The following PPP1R21 variants were observed in gnomAD, a reference collection of about 807,000 sequenced individuals.
PPP1R21 encodes KLRAQ motif containing 1.
Under a neutral mutation model 112.8 loss-of-function variants are expected in PPP1R21, and 85 were observed. That is an observed-to-expected ratio of 0.75 (90% CI 0.63 to 0.90). The LOEUF (loss-of-function observed/expected upper bound fraction) is 0.90, where lower values mean the gene tolerates loss of function less well. Ranked by LOEUF, PPP1R21 falls within the 40% of genes least tolerant of loss-of-function variation. The pLI is 0.00. For synonymous variants in PPP1R21, 381 were observed against 322.3 expected, an observed-to-expected ratio of 1.18 and a Z score of -1.95; for missense variants, 1,199 against 901.5, an observed-to-expected ratio of 1.33 and a Z score of -4.23.
rs375416872 is a variant in PPP1R21 at position 48,498,699 on chromosome 2, T to G, written c.1899T>G (p.Ala633=). ...CTGCTGGCCAGGATGAAGCCACAGC[T>G]AAGGCTGTGTTGGAGCCCATTCAGA... ...SNTAGQDEAT[A]KAVLEPIQST... The change falls in exon 17 of 22, where the codon GCT becomes GCG. Residue 633 remains alanine, a synonymous_variant. Coordinates refer to ENST00000294952, the MANE Select transcript of PPP1R21 (RefSeq NM_001135629.3). 1 of 1,614,116 alleles carries G rather than the reference T, an allele frequency of 6.2e-7. No homozygotes were observed.
At chr2:48,489,774 G>A (rs1464654835) in intron 14 of PPP1R21, among the ~76,000 whole-genome samples, 4 of 151,996 alleles carry the variant, frequency 2.6e-5, no homozygotes, top group African/African-American at 9.7e-5. Context: ...GGCTGGGTGT[G>A]GTGGCTCACG....
rs1265463440 is a variant in PPP1R21 at position 48,485,306 on chromosome 2, G to T, written c.1319-1325G>T. Among the ~76,000 whole-genome samples the T allele has an allele frequency of 4.3e-5, 6 of 138,722 alleles. No homozygotes were observed. In the South Asian group the frequency reaches 1.1e-3, roughly 26 times the overall value. The allele number at this position is 138,722 out of a possible 152,430, so 91.0% of individuals were successfully genotyped here. On this transcript the variant is annotated intron_variant, in intron 13 of 21. Transcript: ENST00000294952. ...AAACTCCCTGCCTCTAAAATAAAATGTAAAAAAAAAAACAAAAAGCATTCA... is the reference window on the plus strand; with the variant it reads ...AAACTCCCTGCCTCTAAAATAAAATTTAAAAAAAAAAACAAAAAGCATTCA...
At position 48,449,620 on chromosome 2, in the gene PPP1R21, G is replaced by C. The variant is rs554114905; in HGVS notation, c.58-1388G>C. On this transcript the variant is annotated intron_variant, in intron 1 of 21. Transcript: ENST00000294952. ...TAAATTTTCCATTGAGTTTTAAATAGTTTAAGATTTAGCATTCAAATATGC... is the reference window on the plus strand; with the variant it reads ...TAAATTTTCCATTGAGTTTTAAATACTTTAAGATTTAGCATTCAAATATGC... Among the ~76,000 whole-genome samples, 268 of 152,252 alleles carry C rather than the reference G, an allele frequency of 1.8e-3. 2 individuals carry two copies. Among genetic ancestry groups the C allele is most frequent in the Middle Eastern group, 3.4e-3 (1 of 294 alleles).
Position 48,469,308 on chromosome 2 carries a change from T to C in PPP1R21, c.898-1779T>C, listed in dbSNP as rs561257144. On this transcript the variant is annotated intron_variant, in intron 9 of 21. Coordinates refer to ENST00000294952, the MANE Select transcript of PPP1R21 (RefSeq NM_001135629.3). The stretch of plus-strand genomic sequence containing the variant: ...GTGTGTGTGTGTGTATGTATATATA[T>C]ACACACACACACATATATATATAGA... Among the ~76,000 whole-genome samples the C allele has an allele frequency of 3.9e-4, 49 of 125,288 alleles. 3 individuals carry two copies. Among genetic ancestry groups the C allele is most frequent in the Non-Finnish European group, 5.6e-4 (35 of 62,010 alleles). The allele number at this position is 125,288 out of a possible 152,430, so 82.2% of individuals were successfully genotyped here. A position where few individuals can be genotyped will look rare whatever the true frequency, so the allele number is the denominator to read the frequency against.
chr2:48,500,310 T>C (rs1572891324), intron 17 of PPP1R21, among the ~76,000 whole-genome samples: 2 of 152,098 alleles, frequency 1.3e-5, no homozygotes, highest in Non-Finnish European at 2.9e-5. Flanking sequence ...TACAAAAAAA[T>C]ATATCTGCAC....
At chr2:48,512,960 T>G (rs532354742) in intron 21 of PPP1R21, among the ~76,000 whole-genome samples, 3 of 152,174 alleles carry the variant, frequency 2.0e-5, no homozygotes, top group Non-Finnish European at 2.9e-5. Context: ...ATTGAAGAGG[T>G]CGTGTTTTGG....
intron 7 of PPP1R21, among the ~76,000 whole-genome samples, chr2:48,463,220 C>T (rs1299934212): frequency 6.6e-6 from 1 of 152,086 alleles, no homozygotes; most frequent in Non-Finnish European, 1.5e-5. Flanking sequence ...CAGGCCTGTG[C>T]AGGGTCCTTG....
In PPP1R21 at chr2:48,467,544, G is replaced by A. The variant is rs1200526175; in HGVS notation, c.897+1902G>A. On this transcript the variant is annotated intron_variant, in intron 9 of 21. Transcript: ENST00000294952. Reference sequence around the variant, plus strand: ...TGGGGGATTTGCATCCCAGGTGGCCGACTTACATGCCTGGTGAGTTAGTGC... The same window carrying A: ...TGGGGGATTTGCATCCCAGGTGGCCAACTTACATGCCTGGTGAGTTAGTGC... Among the ~76,000 whole-genome samples the A allele has an allele frequency of 3.3e-5, 5 of 152,144 alleles. No homozygotes were observed. The South Asian group carries it at 8.3e-4, about 25-fold the overall frequency.
In PPP1R21 at chr2:48,490,512, C is replaced by A. The variant is rs58213588; in HGVS notation, c.1447-506C>A. Among the ~76,000 whole-genome samples, 870 of 152,148 alleles carry A rather than the reference C, an allele frequency of 5.7e-3. 12 individuals are homozygous for A. Among genetic ancestry groups the A allele is most frequent in the Middle Eastern group, 0.024 (7 of 294 alleles). ...AAATGTTAAATCTGTAAATAACAGTCCACTGAATTTTCAGTCTTTTTTTTC... is the reference window on the plus strand; with the variant it reads ...AAATGTTAAATCTGTAAATAACAGTACACTGAATTTTCAGTCTTTTTTTTC... On this transcript the variant is annotated intron_variant, in intron 14 of 21. Coordinates refer to ENST00000294952, the MANE Select transcript of PPP1R21 (RefSeq NM_001135629.3).
chr2:48,442,869 T>C (rs1667094960), intron 1 of PPP1R21, among the ~76,000 whole-genome samples: 1 of 152,150 alleles, frequency 6.6e-6, no homozygotes, highest in African/African-American at 2.4e-5. Flanking sequence ...GAGTGAACTT[T>C]ACCTTTTGAG....
At chr2:48,455,544 G>A (rs981586231) in intron 3 of PPP1R21, among the ~76,000 whole-genome samples, 1 of 152,150 alleles carries the variant, frequency 6.6e-6, no homozygotes, top group Non-Finnish European at 1.5e-5. Context: ...ACATTTATAT[G>A]ATAGTCAATT....
rs140956375 is a variant in PPP1R21 at position 48,492,721 on chromosome 2, C to T, written c.1599+1551C>T. 1.3e-4 allele frequency among the ~76,000 whole-genome samples: 20 copies of T among 152,312 alleles called. No homozygotes were observed. In the East Asian group the frequency reaches 1.5e-3, roughly 12 times the overall value. On this transcript the variant is annotated intron_variant, in intron 15 of 21. Transcript: ENST00000294952. Reference sequence around the variant, plus strand: ...TGGGCACTCTGAAGGATACTTCCCACGGTATAAAAGCTACCTATCTCCCTA... The same window carrying T: ...TGGGCACTCTGAAGGATACTTCCCATGGTATAAAAGCTACCTATCTCCCTA...
rs973234791 is a variant in PPP1R21, at chr2:48,466,209, GT to G, written c.897+579del. On this transcript the variant is annotated intron_variant, in intron 9 of 21. Coordinates refer to ENST00000294952, the MANE Select transcript of PPP1R21 (RefSeq NM_001135629.3). ...CATAGAACCAAACCATATCAGGGAG[GT>G]TTTTTTTTTTTCTTTTTTTGAGGTG... Among the ~76,000 whole-genome samples, 551 of 145,548 alleles carry G rather than the reference GT, an allele frequency of 3.8e-3. 10 individuals are homozygous for G. The highest frequency in any genetic ancestry group is 2.2e-3 in the Non-Finnish European group (147 of 65,810).
intron 11 of PPP1R21, among the ~76,000 whole-genome samples, chr2:48,472,670 C>T (rs1198609718): frequency 1.3e-5 from 2 of 151,536 alleles, no homozygotes; most frequent in East Asian, 3.9e-4. Context: ...GAAAATAGGC[C>T]AGGCATGGTG....
chr2:48,455,622 A>G (rs1467384711), intron 3 of PPP1R21, among the ~76,000 whole-genome samples: 2 of 152,194 alleles, frequency 1.3e-5, no homozygotes, highest in Non-Finnish European at 2.9e-5. Context: ...AATATCTTAT[A>G]TTAGCTAAAA....
At chr2:48,478,944 G>A (rs1334947550) in intron 12 of PPP1R21, among the ~76,000 whole-genome samples, 1 of 152,160 alleles carries the variant, frequency 6.6e-6, no homozygotes, top group East Asian at 1.9e-4. Context: ...TATGGGCTAG[G>A]GACAGTGGTC....
chr2:48,495,672 A>G lies in PPP1R21; in HGVS notation c.1600-7A>G. On this transcript the variant is annotated splice_polypyrimidine_tract_variant and splice_region_variant and intron_variant, in intron 15 of 21. Coordinates refer to ENST00000294952, the MANE Select transcript of PPP1R21 (RefSeq NM_001135629.3). Reference sequence around the variant, plus strand: ...TTTCTTTAATTCTTATGATGCTTTTATCATAGCCCCTCTTGGAGTCTGTGC... The same window carrying G: ...TTTCTTTAATTCTTATGATGCTTTTGTCATAGCCCCTCTTGGAGTCTGTGC... 3.2e-6 allele frequency: 5 copies of G among 1,552,800 alleles called. No homozygotes were observed. Among genetic ancestry groups the G allele is most frequent in the East Asian group, 4.5e-5 (2 of 44,524 alleles).
At chr2:48,477,243 C>T (rs1377966387) in intron 12 of PPP1R21, among the ~76,000 whole-genome samples, 10 of 151,576 alleles carry the variant, frequency 6.6e-5, no homozygotes, top group Admixed American at 1.3e-4. Context: ...TTCAGCCTCC[C>T]GAGTAGCTGG....
intron 14 of PPP1R21, among the ~76,000 whole-genome samples, chr2:48,488,368 CT>C (rs988826349): frequency 2.6e-3 from 370 of 141,470 alleles, no homozygotes; most frequent in Middle Eastern, 3.6e-3. Context: ...TATTTGCCAA[CT>C]TTTTTTTTTT....
Sources: gnomAD v4.1 joint callset for allele counts (sites outside exome capture counted in the v4.1 genomes callset) on GRCh38, gnomAD v4.1.1 for gene constraint, MANE v1.5 for transcripts, NCBI Gene and HGNC (gene_info 2026-07-23, HGNC 2026-07-21) for gene names.